The following ZBTB40 variants were observed in gnomAD, a reference collection of about 807,000 sequenced individuals.
ZBTB40 encodes the protein zinc finger and BTB domain-containing protein 40.
A neutral mutation model predicts 117.5 loss-of-function variants in ZBTB40; 60 were observed. The observed-to-expected ratio is 0.51, with a 90% CI of 0.41 to 0.63. The LOEUF is 0.63. Among genes scored for constraint, ZBTB40 ranks in the 30% least tolerant of loss-of-function variants. ZBTB40 has a pLI of 0.00. For missense variants in ZBTB40, 1,287 were observed against 1,498.5 expected (o/e 0.86, Z 2.33); for synonymous variants, 525 against 577.1 (o/e 0.91, Z 1.29).
chr1:22,517,283 C>A lies in ZBTB40; in HGVS notation c.2669-17C>A. On this transcript the variant is annotated splice_polypyrimidine_tract_variant and intron_variant, in intron 12 of 17. Coordinates refer to ENST00000375647, the MANE Select transcript of ZBTB40 (RefSeq NM_014870.4). ...AATTTTTAGTGCTGACTCTAATAAG[C>A]TCCTGTGTATTTGCAGGGAAAATGT... The A allele has an allele frequency of 6.2e-7, 1 of 1,613,730 alleles. No individual in the cohort carries two copies. The highest frequency in any genetic ancestry group is 8.5e-7 in the Non-Finnish European group (1 of 1,180,038).
chr1:22,506,069 G>A lies in ZBTB40; in HGVS notation c.1188G>A (p.Glu396=). 1.2e-6 allele frequency: 2 copies of A among 1,614,138 alleles called. No individual in the cohort carries two copies. The highest frequency in any genetic ancestry group is 1.1e-5 in the South Asian group (1 of 91,080). ...TEKRVILNCC[E]GRTPKETIEN... is the part of the protein sequence containing the mutation. ...TGCAGGTGATTCTGAATTGCTGTGAGGGCAGAACACCCAAGGAGACAATAG... is the reference window on the plus strand; with the variant it reads ...TGCAGGTGATTCTGAATTGCTGTGAAGGCAGAACACCCAAGGAGACAATAG... The change falls in exon 6 of 18, where the codon GAG becomes GAA. Residue 396 remains glutamate, a synonymous_variant. Transcript: ENST00000375647.
At chr1:22,462,668 C>A (rs896673163) in intron 1 of ZBTB40, among the ~76,000 whole-genome samples, 1 of 152,104 alleles carries the variant, frequency 6.6e-6, no homozygotes, top group African/African-American at 2.4e-5. Context: ...GGAATTGGGC[C>A]AGGTGATTTC....
intron 4 of ZBTB40, 26 bp downstream of exon 4, chr1:22,501,710 A>G: frequency 6.2e-7 from 1 of 1,609,114 alleles, no homozygotes; most frequent in Non-Finnish European, 8.5e-7. Context: ...ATGCATTGGA[A>G]TGGCAGGGTT....
chr1:22,474,391 G>A (rs1304805567), intron 1 of ZBTB40, among the ~76,000 whole-genome samples: 1 of 152,192 alleles, frequency 6.6e-6, no homozygotes, highest in Admixed American at 6.5e-5. Context: ...CGGTACAAGA[G>A]AACAGACCAA....
chr1:22,433,411 C>T (rs71638845), intron 1 of ZBTB40, among the ~76,000 whole-genome samples: 1,672 of 54,786 alleles, frequency 0.031, 24 homozygotes, highest in Non-Finnish European at 0.046. Context: ...CCAGCCTGGG[C>T]GACAGAGCAA....
intron 1 of ZBTB40, among the ~76,000 whole-genome samples, chr1:22,484,937 A>T (rs1209818661): frequency 2.0e-5 from 3 of 152,208 alleles, no homozygotes; most frequent in Admixed American, 1.3e-4. Context: ...TGTTGATGCG[A>T]TGGATCACAT....
chr1:22,474,647 ACT>A (rs1641511629), intron 1 of ZBTB40, among the ~76,000 whole-genome samples: 2 of 151,976 alleles, frequency 1.3e-5, no homozygotes, highest in Non-Finnish European at 1.5e-5. Flanking sequence ...ATTTCACCTG[ACT>A]CTGGTTGTTT....
At chr1:22,495,186 G>T (rs1638740909) in intron 3 of ZBTB40, among the ~76,000 whole-genome samples, 1 of 152,172 alleles carries the variant, frequency 6.6e-6, no homozygotes, top group Non-Finnish European at 1.5e-5. Context: ...CTAGTGTCCT[G>T]ATTATTTTAT....
chr1:22,492,409 C>A (rs1638657246), intron 3 of ZBTB40, among the ~76,000 whole-genome samples: 1 of 152,154 alleles, frequency 6.6e-6, no homozygotes, highest in African/African-American at 2.4e-5. Context: ...TTCTTCACAC[C>A]TGACCCTGCA....
chr1:22,477,822 A>G (rs1202667433), intron 1 of ZBTB40, among the ~76,000 whole-genome samples: 1 of 152,052 alleles, frequency 6.6e-6, no homozygotes, highest in African/African-American at 2.4e-5. Flanking sequence ...TGCTGGGATT[A>G]ACAGGCGTGA....
At chr1:22,431,453 T>C (rs1433402018) in intron 1 of ZBTB40, among the ~76,000 whole-genome samples, 1 of 148,382 alleles carries the variant, frequency 6.7e-6, no homozygotes, top group Non-Finnish European at 1.5e-5. Context: ...AAAGATCTTT[T>C]ACTGGCCGGG....
chr1:22,522,987 A>C, intron 16 of ZBTB40, among the ~76,000 whole-genome samples: 1 of 126,960 alleles, frequency 7.9e-6, no homozygotes, highest in Non-Finnish European at 1.6e-5. Flanking sequence ...TCACTCTGTC[A>C]CCCAGGCTGG....
intron 1 of ZBTB40, among the ~76,000 whole-genome samples, chr1:22,486,955 G>T (rs1035204878): frequency 6.6e-6 from 1 of 152,018 alleles, no homozygotes; most frequent in African/African-American, 2.4e-5. Context: ...GGCTGGTCTC[G>T]AACTCCTGAC....
chr1:22,493,844 C>T (rs1387939564), intron 3 of ZBTB40, among the ~76,000 whole-genome samples: 3 of 147,706 alleles, frequency 2.0e-5, no homozygotes, highest in Non-Finnish European at 4.4e-5. Flanking sequence ...TACAGAGGTA[C>T]GCCCCTAGTG....
At chr1:22,509,391 G>C (rs1401655205) in intron 9 of ZBTB40, among the ~76,000 whole-genome samples, 158 bp downstream of exon 9, 2 of 152,108 alleles carry the variant, frequency 1.3e-5, no homozygotes, top group African/African-American at 4.8e-5. Flanking sequence ...CTGTCGCCCA[G>C]GCTGCAGTGC....
chr1:22,502,297 A>C lies in ZBTB40; in HGVS notation c.1025-2A>C. 1 of 1,613,258 alleles carries C rather than the reference A, an allele frequency of 6.2e-7. No individual in the cohort carries two copies. On this transcript the variant is annotated splice_acceptor_variant, in intron 4 of 17. Transcript: ENST00000375647. LOFTEE classifies it high-confidence loss of function. ...GTGTGTCTCTAACTCTTTCTCCCCC[A>C]GGGAGCACAGAGGAGGGAAAGACCT...
intron 14 of ZBTB40, 57 bp downstream of exon 14, chr1:22,520,332 G>T: frequency 7.1e-7 from 1 of 1,410,256 alleles, no homozygotes; most frequent in South Asian, 1.2e-5. Flanking sequence ...CTCTCCATTT[G>T]ATCTTCCCTG....
chr1:22,438,085 G>T (rs994054519), intron 1 of ZBTB40, among the ~76,000 whole-genome samples: 1 of 151,928 alleles, frequency 6.6e-6, no homozygotes, highest in Non-Finnish European at 1.5e-5. Flanking sequence ...AGCCGAGATC[G>T]CACCACTGTA....
chr1:22,513,037 A>G lies in ZBTB40; in HGVS notation c.2575A>G (p.Thr859Ala). ...STLKNHLRLHTGDRPFMCKHC... is the reference protein window; with the variant it reads ...STLKNHLRLHAGDRPFMCKHC... ...CCTGAAGAACCACCTTCGCCTTCAC[A>G]CCGGGGACCGCCCGTTCATGTGCAA... The change falls in exon 12 of 18, where the codon ACC (threonine) becomes GCC (alanine). Residue 859 changes from threonine (T) to alanine (A), a missense_variant. This residue lies in a region of ZBTB40 where 417 missense variants were observed against 564.1 expected (regional missense o/e 0.74). Coordinates refer to ENST00000375647, the MANE Select transcript of ZBTB40 (RefSeq NM_014870.4). The surrounding 1 kb of genome is among the most constrained non-coding windows in gnomAD (Gnocchi z 4.9). 6.2e-7 allele frequency: 1 copy of G among 1,614,164 alleles called. No homozygotes were observed. The highest frequency in any genetic ancestry group is 1.1e-5 in the South Asian group (1 of 91,078).
Sources: gnomAD v4.1 joint callset for allele counts (sites outside exome capture counted in the v4.1 genomes callset) on GRCh38, gnomAD v4.1.1 for gene constraint, gnomAD v4.1.1 regional missense constraint, Gnocchi (gnomAD v3.1) non-coding constraint, MANE v1.5 for transcripts, NCBI Gene and HGNC (gene_info 2026-07-23, HGNC 2026-07-21) for gene names.